The following PXK variants were observed in gnomAD, a reference collection of about 807,000 sequenced individuals.
PXK encodes PX domain containing serine/threonine kinase like, also known as PX domain-containing protein kinase-like protein.
PXK carries 35 observed loss-of-function variants against 84.7 expected under a neutral mutation model. The ratio of observed to expected loss-of-function variants is 0.41; its 90% CI spans 0.32 to 0.55. The LOEUF is 0.55. Among genes scored for constraint, PXK ranks in the 20% least tolerant of loss-of-function variants. The pLI, the probability that PXK is intolerant of heterozygous loss-of-function variation, is 0.21. For missense variants in PXK, 634 were observed against 699.7 expected (o/e 0.91, Z 1.06); for synonymous variants, 253 against 260.8 (o/e 0.97, Z 0.29).
rs532359291 is a variant in PXK at position 58,373,429 on chromosome 3, G to T, written c.201+3951G>T. The stretch of plus-strand genomic sequence containing the variant: ...CTTTCGCCGCTGAAATAAAGGGGTT[G>T]AACTAGATGACTTCTGAGGTCTCTT... On this transcript the variant is annotated intron_variant, in intron 3 of 17. Transcript: ENST00000356151. 4.3e-4 allele frequency among the ~76,000 whole-genome samples: 65 copies of T among 152,250 alleles called. 1 individual carries two copies. The highest frequency in any genetic ancestry group is 1.5e-3 in the African/African-American group (64 of 41,554).
rs1353821149 is a variant in PXK at position 58,412,303 on chromosome 3, C to G, written c.1466-598C>G. Among the ~76,000 whole-genome samples the G allele has an allele frequency of 3.3e-5, 5 of 151,860 alleles. No homozygotes were observed. The East Asian group carries it at 9.6e-4, about 29-fold the overall frequency. ...TGAAATATAATAAGGTTACTAGATC[C>G]AGAAAAAGCATGCAACAGGTGGGAT... is the stretch of plus-strand genomic sequence containing the variant. On this transcript the variant is annotated intron_variant, in intron 16 of 17. Coordinates refer to ENST00000356151, the MANE Select transcript of PXK (RefSeq NM_017771.5). The surrounding 1 kb of genome is among the most constrained non-coding windows in gnomAD (Gnocchi z 6.2).
At chr3:58,417,410 G>C (rs1434785176) in intron 17 of PXK, among the ~76,000 whole-genome samples, 1 of 152,170 alleles carries the variant, frequency 6.6e-6, no homozygotes, top group Non-Finnish European at 1.5e-5. Context: ...TCTAAGTGAA[G>C]GGGTCTTACC....
Position 58,398,261 on chromosome 3 carries a change from C to T in PXK, c.1102+539C>T, listed in dbSNP as rs1437799030. On this transcript the variant is annotated intron_variant, in intron 11 of 17. Coordinates refer to ENST00000356151, the MANE Select transcript of PXK (RefSeq NM_017771.5). This position sits in a 1 kb window ranked among gnomAD's most constrained non-coding sequence, Gnocchi z 4.5. Reference sequence around the variant, plus strand: ...ACTAAAATTACAAAAATTAGCTGGGCGTGGAGGTGCATGCCTGTAATCCCA... The same window carrying T: ...ACTAAAATTACAAAAATTAGCTGGGTGTGGAGGTGCATGCCTGTAATCCCA... Among the ~76,000 whole-genome samples the T allele has an allele frequency of 3.3e-5, 5 of 152,094 alleles. No individual in the cohort carries two copies. The highest frequency in any genetic ancestry group is 5.9e-5 in the Non-Finnish European group (4 of 68,018).
At chr3:58,369,694 C>T (rs1219971463) in intron 3 of PXK, among the ~76,000 whole-genome samples, 1 of 152,002 alleles carries the variant, frequency 6.6e-6, no homozygotes, top group East Asian at 1.9e-4. Flanking sequence ...CGTGGTGGCG[C>T]GTGCCTGTAA....
chr3:58,377,335 C>T (rs912187287), intron 3 of PXK, among the ~76,000 whole-genome samples: 17 of 152,194 alleles, frequency 1.1e-4, no homozygotes, highest in African/African-American at 3.9e-4. Context: ...GTTTAGATTA[C>T]ATCCTTTTCT....
At chr3:58,360,052 G>C (rs940455172) in intron 1 of PXK, among the ~76,000 whole-genome samples, 4 of 152,166 alleles carry the variant, frequency 2.6e-5, no homozygotes, top group African/African-American at 7.2e-5. Flanking sequence ...GGAGGCTGAG[G>C]TGGGAGGACT....
chr3:58,421,513 G>A lies in PXK; in HGVS notation c.1529-3239G>A. On this transcript the variant is annotated intron_variant, in intron 17 of 17. Transcript: ENST00000356151. The surrounding 1 kb of genome is among the most constrained non-coding windows in gnomAD (Gnocchi z 5.5). ...GAGAATCACTTGAACCCGGGAGGCG[G>A]AGCTTGCAGTGAGCCGAGATCGCGC... is the stretch of plus-strand genomic sequence containing the variant. 2.2e-6 allele frequency: 2 copies of A among 895,184 alleles called. No homozygotes were observed. The highest frequency in any genetic ancestry group is 2.7e-6 in the Non-Finnish European group (2 of 746,014). 55.5% of individuals were successfully genotyped at this position (895,184 alleles called of 1,614,324 possible).
rs941082029 is a variant in PXK at position 58,401,860 on chromosome 3, G to C, written c.1182-2002G>C. 6.6e-6 allele frequency among the ~76,000 whole-genome samples: 1 copy of C among 152,130 alleles called. No individual in the cohort carries two copies. Among genetic ancestry groups the C allele is most frequent in the Non-Finnish European group, 1.5e-5 (1 of 68,024 alleles). On this transcript the variant is annotated intron_variant, in intron 12 of 17. Coordinates refer to ENST00000356151, the MANE Select transcript of PXK (RefSeq NM_017771.5). This position sits in a 1 kb window ranked among gnomAD's most constrained non-coding sequence, Gnocchi z 4.4. ...CACTGGAGCGCGCCACTGCACTCCA[G>C]CCTGGGCGACAGAGTGAGACTCCAT...
rs1310502574 is a variant in PXK, at chr3:58,398,174, G to T, written c.1102+452G>T. On this transcript the variant is annotated intron_variant, in intron 11 of 17. Coordinates refer to ENST00000356151, the MANE Select transcript of PXK (RefSeq NM_017771.5). This position sits in a 1 kb window ranked among gnomAD's most constrained non-coding sequence, Gnocchi z 4.5. Reference sequence around the variant, plus strand: ...CCAGCACTTTGGAAGGCCGAGGTGGGTGGATCACATGAGGTCAGGAGTTTG... The same window carrying T: ...CCAGCACTTTGGAAGGCCGAGGTGGTTGGATCACATGAGGTCAGGAGTTTG... Among the ~76,000 whole-genome samples, 3 of 152,204 alleles carry T rather than the reference G, an allele frequency of 2.0e-5. No homozygotes were observed. Among genetic ancestry groups the T allele is most frequent in the Non-Finnish European group, 4.4e-5 (3 of 68,042 alleles).
chr3:58,349,904 C>T (rs758069903), intron 1 of PXK, among the ~76,000 whole-genome samples: 5 of 152,164 alleles, frequency 3.3e-5, no homozygotes, highest in Non-Finnish European at 5.9e-5. Context: ...CGGATAGAAC[C>T]TGCTAGCCCT....
chr3:58,335,785 T>C (rs1412757295), intron 1 of PXK, among the ~76,000 whole-genome samples: 1 of 152,030 alleles, frequency 6.6e-6, no homozygotes, highest in Non-Finnish European at 1.5e-5. Context: ...TTAAACCTTT[T>C]TGAAGTTTAG....
At chr3:58,354,796 A>G (rs754906139) in intron 1 of PXK, among the ~76,000 whole-genome samples, 16 of 152,058 alleles carry the variant, frequency 1.1e-4, no homozygotes, top group Non-Finnish European at 1.8e-4. Context: ...CTGGCTGCAC[A>G]TTAGTATCAA....
chr3:58,391,139 T>A lies in PXK; in HGVS notation c.467-8T>A, dbSNP rs2098627305. ...GCAGCTCTAAGCACATTTTTGCTTTTATGGCAGGTTGGAGAATAAGGAAGA... is the reference window on the plus strand; with the variant it reads ...GCAGCTCTAAGCACATTTTTGCTTTAATGGCAGGTTGGAGAATAAGGAAGA... On this transcript the variant is annotated splice_region_variant and splice_polypyrimidine_tract_variant and intron_variant, in intron 5 of 17. Transcript: ENST00000356151. 6.2e-7 allele frequency: 1 copy of A among 1,610,448 alleles called. No homozygotes were observed. The highest frequency in any genetic ancestry group is 8.5e-7 in the Non-Finnish European group (1 of 1,177,034).
Position 58,412,887 on chromosome 3 carries a change from G to T in PXK, c.1466-14G>T. On this transcript the variant is annotated splice_polypyrimidine_tract_variant and intron_variant, in intron 16 of 17. Transcript: ENST00000356151. This position sits in a 1 kb window ranked among gnomAD's most constrained non-coding sequence, Gnocchi z 6.2. ...CGTTGGTCCCCATGAGGGTTTCTCT[G>T]TGTTTTATCTTAGCAGGATCTGGGG... 1 of 1,614,130 alleles carries T rather than the reference G, an allele frequency of 6.2e-7. No homozygotes were observed. The highest frequency in any genetic ancestry group is 1.3e-5 in the African/African-American group (1 of 75,046).
At chr3:58,363,641 G>GT (rs1317033566) in intron 1 of PXK, among the ~76,000 whole-genome samples, 34 of 152,108 alleles carry the variant, frequency 2.2e-4, no homozygotes, top group African/African-American at 6.0e-4. Context: ...ATTAATTCCA[G>GT]TTTTTTTGTA....
chr3:58,357,313 C>G (rs2108244761), intron 1 of PXK, among the ~76,000 whole-genome samples: 1 of 151,754 alleles, frequency 6.6e-6, no homozygotes, highest in Middle Eastern at 3.4e-3. Context: ...CATAAACACA[C>G]ACATTAGCCT....
rs1361476136 is a variant in PXK at position 58,379,215 on chromosome 3, T to C, written c.202-3299T>C. 1 of 153,018 alleles carries C rather than the reference T, an allele frequency of 6.5e-6. No individual in the cohort carries two copies. The highest frequency in any genetic ancestry group is 1.9e-4 in the East Asian group (1 of 5,192). 9.5% of individuals were successfully genotyped at this position (153,018 alleles called of 1,614,324 possible). A position where few individuals can be genotyped will look rare whatever the true frequency, so the allele number is the denominator to read the frequency against. On this transcript the variant is annotated intron_variant, in intron 3 of 17. Transcript: ENST00000356151. The surrounding 1 kb of genome is among the most constrained non-coding windows in gnomAD (Gnocchi z 5.1). The stretch of plus-strand genomic sequence containing the variant: ...TGGAATTACAGGAGTGAGCCACTGC[T>C]CGCGGTAGCCCTTTATTTTTATACC...
Position 58,400,456 on chromosome 3 carries a change from C to G in PXK, c.1181+1079C>G, listed in dbSNP as rs979093114. On this transcript the variant is annotated intron_variant, in intron 12 of 17. Coordinates refer to ENST00000356151, the MANE Select transcript of PXK (RefSeq NM_017771.5). The surrounding 1 kb of genome is among the most constrained non-coding windows in gnomAD (Gnocchi z 4.0). ...TAGAGATAACTTCCGGTTCCTGGTT[C>G]TTTCTTTCCACAAGTGTTTAGAGAG... Among the ~76,000 whole-genome samples the G allele has an allele frequency of 6.6e-6, 1 of 152,204 alleles. No individual in the cohort carries two copies.
intron 3 of PXK, among the ~76,000 whole-genome samples, chr3:58,371,473 G>A (rs1480001480): frequency 1.3e-5 from 2 of 152,218 alleles, no homozygotes; most frequent in African/African-American, 4.8e-5. Context: ...CTGCCTTTAT[G>A]CTCAAGCGAA....
Sources: allele counts gnomAD v4.1 joint callset (sites outside exome capture counted in the v4.1 genomes callset), GRCh38; gene constraint gnomAD v4.1.1; non-coding constraint Gnocchi (gnomAD v3.1); transcripts MANE v1.5; gene names NCBI Gene and HGNC (gene_info 2026-07-23, HGNC 2026-07-21).